PRKCE: variants seen among roughly 807,000 people sequenced by gnomAD.
The protein encoded by PRKCE is protein kinase C epsilon.
A neutral mutation model predicts 85.4 loss-of-function variants in PRKCE; 16 were observed. The ratio of observed to expected loss-of-function variants is 0.19; its 90% CI spans 0.13 to 0.28. The LOEUF (loss-of-function observed/expected upper bound fraction) is 0.28. PRKCE is among the 10% of genes least tolerant of loss of function. PRKCE has a pLI of 1.00. For missense variants in PRKCE, 573 were observed against 975.2 expected (o/e 0.59, Z 5.49); for synonymous variants, 388 against 371.5 (o/e 1.04, Z -0.51).
chr2:45,961,936 C>G (rs893081181), intron 2 of PRKCE, among the ~76,000 whole-genome samples: 1 of 152,172 alleles, frequency 6.6e-6, no homozygotes, highest in African/African-American at 2.4e-5. Context: ...CTCAGGTGAT[C>G]CACCTGCCTC....
At chr2:46,127,616 C>A (rs1673989677) in intron 11 of PRKCE, among the ~76,000 whole-genome samples, 1 of 152,254 alleles carries the variant, frequency 6.6e-6, no homozygotes, top group Non-Finnish European at 1.5e-5. Flanking sequence ...CCTCTCCACA[C>A]TGACTTGGAT....
chr2:46,137,190 A>G (rs1021941691), intron 11 of PRKCE, among the ~76,000 whole-genome samples: 1 of 152,178 alleles, frequency 6.6e-6, no homozygotes, highest in Admixed American at 6.5e-5. Context: ...TCTTAAAGAT[A>G]TGTTGGACCA....
chr2:45,841,266 C>T (rs553917442), intron 1 of PRKCE, among the ~76,000 whole-genome samples: 24 of 152,258 alleles, frequency 1.6e-4, no homozygotes, highest in Non-Finnish European at 1.9e-4. Context: ...CACAATAGGC[C>T]GTCTGCACGC....
At position 45,859,697 on chromosome 2, in the gene PRKCE, C is replaced by T. The variant is rs1692986962; in HGVS notation, c.412+16634C>T. Among the ~76,000 whole-genome samples the T allele has an allele frequency of 2.6e-5, 4 of 152,194 alleles. No homozygotes were observed. In the South Asian group the frequency reaches 8.3e-4, roughly 32 times the overall value. On this transcript the variant is annotated intron_variant, in intron 2 of 14. Transcript: ENST00000306156. ...GCAGTCATGTATTGCAATATCTTCC[C>T]CTCATTTGTAGATAATCTTTTCATT...
chr2:45,662,581 C>G (rs536980010), intron 1 of PRKCE, among the ~76,000 whole-genome samples: 1 of 152,176 alleles, frequency 6.6e-6, no homozygotes, highest in Non-Finnish European at 1.5e-5. Context: ...AGCTCCTGGA[C>G]CCTACATTCT....
intron 1 of PRKCE, among the ~76,000 whole-genome samples, chr2:45,715,173 G>A (rs1478573621): frequency 1.3e-5 from 2 of 152,232 alleles, no homozygotes; most frequent in African/African-American, 4.8e-5. Context: ...GTGTGCAACC[G>A]TGTGCATGAC....
chr2:45,794,640 T>C (rs1278009227), intron 1 of PRKCE, among the ~76,000 whole-genome samples: 2 of 152,128 alleles, frequency 1.3e-5, no homozygotes, highest in East Asian at 3.9e-4. Context: ...TGGAGGGAGA[T>C]GTGTGACAGT....
rs1465009233 is a variant in PRKCE at position 45,841,758 on chromosome 2, T to C, written c.349-1242T>C. On this transcript the variant is annotated intron_variant, in intron 1 of 14. Coordinates refer to ENST00000306156, the MANE Select transcript of PRKCE (RefSeq NM_005400.3). The stretch of plus-strand genomic sequence containing the variant: ...GGAACACAGATGAGGGGCTAATTAA[T>C]TCTGACTGGGCATATCTGGATAGAT... 1.3e-5 allele frequency among the ~76,000 whole-genome samples: 2 copies of C among 152,242 alleles called. 1 individual carries two copies. Among genetic ancestry groups the C allele is most frequent in the African/African-American group, 4.8e-5 (2 of 41,464 alleles).
intron 1 of PRKCE, among the ~76,000 whole-genome samples, chr2:45,813,368 A>G (rs1259988722): frequency 1.3e-5 from 2 of 152,218 alleles, no homozygotes; most frequent in African/African-American, 4.8e-5. Flanking sequence ...GTTAATGGCT[A>G]GAGGCAGATC....
intron 2 of PRKCE, among the ~76,000 whole-genome samples, chr2:45,926,428 C>T (rs1698622550): frequency 6.6e-6 from 1 of 152,168 alleles, no homozygotes; most frequent in Non-Finnish European, 1.5e-5. Flanking sequence ...TCCCCCCCAT[C>T]CTCAGGATCT....
chr2:45,951,217 G>A (rs1225651490), intron 2 of PRKCE, among the ~76,000 whole-genome samples: 1 of 152,194 alleles, frequency 6.6e-6, no homozygotes, highest in African/African-American at 2.4e-5. Context: ...GGAGTTTATG[G>A]CTTCACTAGC....
At chr2:46,112,418 C>T (rs558408856) in intron 11 of PRKCE, among the ~76,000 whole-genome samples, 2 of 152,068 alleles carry the variant, frequency 1.3e-5, no homozygotes, top group East Asian at 3.9e-4. Context: ...GTATTTAGAC[C>T]ATTCACATTT....
At chr2:45,693,836 T>C (rs1677933531) in intron 1 of PRKCE, among the ~76,000 whole-genome samples, 1 of 151,856 alleles carries the variant, frequency 6.6e-6, no homozygotes. Flanking sequence ...GGGAGGAAGA[T>C]AGAGAGGACA....
chr2:46,023,089 CAAAAA>C (rs397984467), intron 10 of PRKCE, among the ~76,000 whole-genome samples: 2 of 71,512 alleles, frequency 2.8e-5, no homozygotes, highest in East Asian at 8.4e-4. Flanking sequence ...GACTCCGTCT[CAAAAA>C]AAAAAAAAAA....
In PRKCE at chr2:46,145,356, G is replaced by C. The variant is rs1343005676; in HGVS notation, c.1731+125G>C. ...CTCTGGAAATCCAGGATGGATTCTAGGAAGGAGGGAGAAAAGGAAAGGAAA... is the reference window on the plus strand; with the variant it reads ...CTCTGGAAATCCAGGATGGATTCTACGAAGGAGGGAGAAAAGGAAAGGAAA... On this transcript the variant is annotated intron_variant, in intron 12 of 14. Transcript: ENST00000306156. The surrounding 1 kb of genome is among the most constrained non-coding windows in gnomAD (Gnocchi z 4.6). 5 of 1,306,806 alleles carry C rather than the reference G, an allele frequency of 3.8e-6. No individual in the cohort carries two copies. The highest frequency in any genetic ancestry group is 5.3e-6 in the Non-Finnish European group (5 of 949,656). The allele number at this position is 1,306,806 out of a possible 1,614,324, so 81.0% of individuals were successfully genotyped here. A position where few individuals can be genotyped will look rare whatever the true frequency, so the allele number is the denominator to read the frequency against.
At chr2:46,156,515 T>C (rs530339557) in intron 13 of PRKCE, among the ~76,000 whole-genome samples, 1 of 152,322 alleles carries the variant, frequency 6.6e-6, no homozygotes, top group South Asian at 2.1e-4. Context: ...GACTCATGTG[T>C]GTGCAAAGGA....
chr2:45,819,332 A>G (rs187498264), intron 1 of PRKCE, among the ~76,000 whole-genome samples: 2 of 152,236 alleles, frequency 1.3e-5, no homozygotes, highest in East Asian at 1.9e-4. Flanking sequence ...TCCCAATCCC[A>G]TGTGGTACCC....
chr2:46,120,620 G>T (rs1303677353), intron 11 of PRKCE, among the ~76,000 whole-genome samples: 6 of 152,168 alleles, frequency 3.9e-5, no homozygotes, highest in African/African-American at 1.4e-4. Flanking sequence ...TTCAGACCCT[G>T]GAGAAATCAG....
In PRKCE at chr2:46,041,466, A is replaced by G. The variant is rs1322215704; in HGVS notation, c.1437+30949A>G. On this transcript the variant is annotated intron_variant, in intron 10 of 14. Coordinates refer to ENST00000306156, the MANE Select transcript of PRKCE (RefSeq NM_005400.3). This position sits in a 1 kb window ranked among gnomAD's most constrained non-coding sequence, Gnocchi z 5.5. Reference sequence around the variant, plus strand: ...ATGTTTCCCTGCCCTAACTCAGTTCACATCCAGACTGGCTTCTAGAAGAAA... The same window carrying G: ...ATGTTTCCCTGCCCTAACTCAGTTCGCATCCAGACTGGCTTCTAGAAGAAA... Among the ~76,000 whole-genome samples the G allele has an allele frequency of 6.6e-6, 1 of 152,244 alleles. No homozygotes were observed. The highest frequency in any genetic ancestry group is 1.5e-5 in the Non-Finnish European group (1 of 68,040).
Sources: allele counts gnomAD v4.1 joint callset (sites outside exome capture counted in the v4.1 genomes callset), GRCh38; gene constraint gnomAD v4.1.1; non-coding constraint Gnocchi (gnomAD v3.1); transcripts MANE v1.5; gene names NCBI Gene and HGNC (gene_info 2026-07-23, HGNC 2026-07-21).